Variants in PSD3 observed in about 807,000 individuals in gnomAD.
PSD3 encodes pleckstrin and Sec7 domain containing 3, also known as PH and SEC7 domain-containing protein 3.
A neutral mutation model predicts 105.5 loss-of-function variants in PSD3; 49 were observed. The observed-to-expected ratio is 0.46, with a 90% CI of 0.37 to 0.59. The LOEUF is 0.59. Ranked by LOEUF, PSD3 falls within the 20% of genes least tolerant of loss-of-function variation. The pLI, the probability that PSD3 is intolerant of heterozygous loss-of-function variation, is 0.00. For synonymous variants in PSD3, 557 were observed against 457.8 expected (o/e 1.22, Z -2.77); for missense variants, 1,561 against 1,263.8 (o/e 1.24, Z -3.57).
At chr8:18,766,025 A>T (rs1474617802) in intron 8 of PSD3, among the ~76,000 whole-genome samples, 1 of 151,608 alleles carries the variant, frequency 6.6e-6, no homozygotes, top group African/African-American at 2.4e-5. Flanking sequence ...ACATAACTAG[A>T]CATCTATTTA....
intron 9 of PSD3, among the ~76,000 whole-genome samples, chr8:18,661,774 G>T (rs907742157): frequency 5.3e-5 from 8 of 152,194 alleles, no homozygotes; most frequent in Admixed American, 4.6e-4. Context: ...GACCACAAGA[G>T]AATTCACAGG....
intron 14 of PSD3, among the ~76,000 whole-genome samples, chr8:18,560,018 TAAAGTAAGCTC>T (rs1177825847): frequency 1.3e-5 from 2 of 152,132 alleles, no homozygotes; most frequent in Non-Finnish European, 2.9e-5. Flanking sequence ...CAGGAGTCAA[TAAAGTAAGCTC>T]AAAATAAAGC....
intron 1 of PSD3, among the ~76,000 whole-genome samples, chr8:19,019,735 G>C (rs1348052156): frequency 6.6e-6 from 1 of 152,152 alleles, no homozygotes; most frequent in Non-Finnish European, 1.5e-5. Flanking sequence ...AAAAGCTCAA[G>C]ATGAAGCTGA....
At position 18,699,159 on chromosome 8, in the gene PSD3, G is replaced by A. The variant is rs555274599; in HGVS notation, c.2173-43474C>T. Among the ~76,000 whole-genome samples the A allele has an allele frequency of 3.3e-5, 5 of 152,260 alleles. No homozygotes were observed. In the East Asian group the frequency reaches 5.8e-4, roughly 18 times the overall value. ...CAACTAGATTCCTGCTAAGGAATGTGAGTGAAAGCTATGTGTGCCACTTCC... is the reference window on the plus strand; with the variant it reads ...CAACTAGATTCCTGCTAAGGAATGTAAGTGAAAGCTATGTGTGCCACTTCC... On this transcript the variant is annotated intron_variant, in intron 9 of 15. Coordinates refer to ENST00000327040, the MANE Select transcript of PSD3 (RefSeq NM_015310.4).
In PSD3 at chr8:19,084,607, G is replaced by A. The variant is rs1210579758; in HGVS notation, c.-78C>T. 7 of 353,828 alleles carry A rather than the reference G, an allele frequency of 2.0e-5. No homozygotes were observed. In the East Asian group the frequency reaches 3.7e-4, roughly 19 times the overall value. 21.9% of individuals were successfully genotyped at this position (353,828 alleles called of 1,614,324 possible). A position where few individuals can be genotyped will look rare whatever the true frequency, so the allele number is the denominator to read the frequency against. The stretch of plus-strand genomic sequence containing the variant: ...GTCTTGGAGGCAGGGGCCTGGCAAT[G>A]CCTGTGATGTGGGGATCTGCAATCA... On this transcript the variant is annotated 5_prime_UTR_variant, in exon 1 of 2. Transcript: ENST00000521475.
chr8:18,585,702 G>A (rs190571891), intron 12 of PSD3, among the ~76,000 whole-genome samples: 3 of 152,230 alleles, frequency 2.0e-5, no homozygotes, highest in East Asian at 1.9e-4. Flanking sequence ...TATAAGAGTC[G>A]TCAGGAAGGG....
chr8:18,725,621 C>A (rs1803290077), intron 9 of PSD3, among the ~76,000 whole-genome samples: 1 of 152,058 alleles, frequency 6.6e-6, no homozygotes, highest in South Asian at 2.1e-4. Context: ...TAAAGGACAG[C>A]CAGGGACAGG....
At chr8:18,612,146 T>A (rs1360417584) in intron 11 of PSD3, among the ~76,000 whole-genome samples, 2 of 146,158 alleles carry the variant, frequency 1.4e-5, no homozygotes, top group Non-Finnish European at 3.0e-5. Context: ...AAAGTTACAA[T>A]CCTACTAAAT....
chr8:18,531,520 T>G lies in PSD3; in HGVS notation c.*4223A>C, dbSNP rs1346212093. 2.0e-5 allele frequency: 3 copies of G among 152,228 alleles called. No individual in the cohort carries two copies. Among genetic ancestry groups the G allele is most frequent in the Non-Finnish European group, 4.4e-5 (3 of 68,052 alleles). 9.4% of individuals were successfully genotyped at this position (152,228 alleles called of 1,614,324 possible). A position where few individuals can be genotyped will look rare whatever the true frequency, so the allele number is the denominator to read the frequency against. On this transcript the variant is annotated 3_prime_UTR_variant, in exon 16 of 16. Coordinates refer to ENST00000327040, the MANE Select transcript of PSD3 (RefSeq NM_015310.4). ...ATCACGGGGTTATTCTGTGATGATT[T>G]GATCATGTAAGATGCTATAAGACTG...
chr8:18,935,520 AAAAAAAAG>A (rs1822055455), intron 2 of PSD3, among the ~76,000 whole-genome samples: 3 of 151,566 alleles, frequency 2.0e-5, no homozygotes, highest in Admixed American at 2.0e-4. Context: ...TTAAAAAAAA[AAAAAAAAG>A]AAAAAAAGTA....
At chr8:18,586,823 A>G (rs1311973725) in intron 12 of PSD3, among the ~76,000 whole-genome samples, 1 of 152,164 alleles carries the variant, frequency 6.6e-6, no homozygotes, top group Non-Finnish European at 1.5e-5. Flanking sequence ...AGTTAACTGG[A>G]AGCCCTTGGA....
At chr8:18,982,064 CCTACA>C (rs1825276191) in intron 1 of PSD3, among the ~76,000 whole-genome samples, 1 of 152,212 alleles carries the variant, frequency 6.6e-6, no homozygotes, top group Admixed American at 6.5e-5. Flanking sequence ...CCTCTCAAAC[CCTACA>C]CTACTTTATC....
intron 2 of PSD3, among the ~76,000 whole-genome samples, chr8:18,933,386 C>CA (rs34771726): frequency 0.12 from 16,519 of 137,686 alleles, 974 homozygotes; most frequent in Middle Eastern, 0.26. Context: ...TTATTATAGC[C>CA]AAAAAAAAAA....
intron 8 of PSD3, chr8:18,786,799 A>C (rs1020681076): frequency 6.6e-6 from 1 of 152,228 alleles, no homozygotes; most frequent in African/African-American, 2.4e-5. Context: ...AGTTGCTTTT[A>C]TCTGTTGATT....
intron 2 of PSD3, among the ~76,000 whole-genome samples, chr8:18,917,718 T>C (rs777626401): frequency 6.6e-6 from 1 of 151,514 alleles, no homozygotes; most frequent in Admixed American, 6.6e-5. Context: ...GCCCCTTGCA[T>C]TCCTGCTCTC....
chr8:18,917,114 A>G (rs966449358), intron 2 of PSD3, among the ~76,000 whole-genome samples: 8 of 152,054 alleles, frequency 5.3e-5, no homozygotes, highest in African/African-American at 1.9e-4. Flanking sequence ...AACTACCCTC[A>G]ATGCCTTCAC....
chr8:18,763,057 G>T (rs1392919724), intron 9 of PSD3: 3 of 517,044 alleles, frequency 5.8e-6, no homozygotes, highest in Non-Finnish European at 1.1e-5. Context: ...TTTAATAAAT[G>T]TTTCCAGCTA....
chr8:19,011,766 A>AT (rs1313665301), intron 1 of PSD3, among the ~76,000 whole-genome samples: 2 of 117,390 alleles, frequency 1.7e-5, no homozygotes, highest in East Asian at 5.0e-4. Context: ...TTATGCTCGC[A>AT]TTTAAAAAAA....
intron 4 of PSD3, among the ~76,000 whole-genome samples, chr8:18,821,620 C>G (rs1812712301): frequency 6.6e-6 from 1 of 151,290 alleles, no homozygotes; most frequent in Non-Finnish European, 1.5e-5. Context: ...CCAGCTAATT[C>G]AAACACTGCT....
Sources: gnomAD v4.1 joint callset for allele counts (sites outside exome capture counted in the v4.1 genomes callset) on GRCh38, gnomAD v4.1.1 for gene constraint, MANE v1.5 for transcripts, NCBI Gene and HGNC (gene_info 2026-07-23, HGNC 2026-07-21) for gene names.